Variants in PHLDB2 observed in about 807,000 individuals in gnomAD.
PHLDB2 encodes pleckstrin homology like domain family B member 2.
In PHLDB2, 71 loss-of-function variants were observed where a neutral mutation model predicts 123.6. The observed-to-expected ratio is 0.57, with a 90% CI of 0.47 to 0.70. The LOEUF is 0.70. Among genes scored for constraint, PHLDB2 ranks in the 30% least tolerant of loss-of-function variants. The probability of loss-of-function intolerance (pLI) is 0.00; values close to 1 mark genes in which losing one functional copy is unlikely to be tolerated. For synonymous variants in PHLDB2, 547 were observed against 541.6 expected, an observed-to-expected ratio of 1.01 and a Z score of -0.14; for missense variants, 1,446 against 1,519.5, an observed-to-expected ratio of 0.95 and a Z score of 0.80.
At chr3:111,936,867 G>A (rs2069524239) in intron 6 of PHLDB2, among the ~76,000 whole-genome samples, 1 of 152,168 alleles carries the variant, frequency 6.6e-6, no homozygotes, top group Non-Finnish European at 1.5e-5. Context: ...AAACTTGAGT[G>A]TATGTGCTTA....
intron 1 of PHLDB2, among the ~76,000 whole-genome samples, chr3:111,773,439 A>T (rs774000711): frequency 2.0e-5 from 3 of 152,180 alleles, no homozygotes; most frequent in Non-Finnish European, 4.4e-5. Flanking sequence ...AAAATCGGTG[A>T]TTTGTCACAC....
chr3:111,920,254 A>T, intron 4 of PHLDB2, 28 bp from the exon 5 acceptor site: 1 of 1,601,798 alleles, frequency 6.2e-7, no homozygotes, highest in South Asian at 1.1e-5. Flanking sequence ...AAGGTGAAAC[A>T]CTTCTGAGCT....
At chr3:111,838,944 T>A (rs1215344071) in intron 1 of PHLDB2, among the ~76,000 whole-genome samples, 2 of 152,196 alleles carry the variant, frequency 1.3e-5, no homozygotes, top group East Asian at 3.8e-4. Flanking sequence ...GAATGAATAT[T>A]CATCATTTAA....
At chr3:111,864,677 A>G (rs1305632048) in intron 1 of PHLDB2, among the ~76,000 whole-genome samples, 1 of 152,232 alleles carries the variant, frequency 6.6e-6, no homozygotes, top group African/African-American at 2.4e-5. Context: ...ACAGATTAAT[A>G]AGATATAGAG....
chr3:111,966,527 GGTGTGTGT>G (rs3217516), intron 13 of PHLDB2, 78 bp from the exon 14 acceptor site: 9 of 617,988 alleles, frequency 1.5e-5, no homozygotes, highest in East Asian at 3.3e-5. Context: ...GTGTGTCTGG[GGTGTGTGT>G]GTGTGTGTGT....
intron 14 of PHLDB2, among the ~76,000 whole-genome samples, chr3:111,967,086 T>C (rs1400383334): frequency 6.6e-6 from 1 of 152,226 alleles, no homozygotes; most frequent in Non-Finnish European, 1.5e-5. Flanking sequence ...CAGCTTGTGC[T>C]AACTGCACTA....
chr3:111,834,250 A>AGAAT, intron 1 of PHLDB2, among the ~76,000 whole-genome samples: 1 of 123,142 alleles, frequency 8.1e-6, no homozygotes. Context: ...ATAGAATTAT[A>AGAAT]TATATAATTC....
intron 1 of PHLDB2, among the ~76,000 whole-genome samples, chr3:111,815,202 C>T (rs936150128): frequency 2.6e-5 from 4 of 152,074 alleles, no homozygotes; most frequent in African/African-American, 4.8e-5. Context: ...TGCCCAGTCT[C>T]AGGTATGTCT....
intron 1 of PHLDB2, among the ~76,000 whole-genome samples, chr3:111,794,592 T>C (rs1233367358): frequency 1.3e-5 from 2 of 152,216 alleles, no homozygotes; most frequent in African/African-American, 4.8e-5. Context: ...AGATTATTTG[T>C]AGATACCACT....
At chr3:111,787,617 A>T (rs1450251719) in intron 1 of PHLDB2, among the ~76,000 whole-genome samples, 1 of 151,900 alleles carries the variant, frequency 6.6e-6, no homozygotes, top group Non-Finnish European at 1.5e-5. Flanking sequence ...AGCTTGGGCT[A>T]CTCTAGGCTT....
Position 111,895,814 on chromosome 3 carries a change from A to T in PHLDB2, c.1335+10402A>T, listed in dbSNP as rs180785567. Among the ~76,000 whole-genome samples the T allele has an allele frequency of 1.2e-3, 183 of 152,128 alleles. 1 individual carries two copies. The highest frequency in any genetic ancestry group is 1.4e-3 in the Non-Finnish European group (97 of 68,016). On this transcript the variant is annotated intron_variant, in intron 2 of 17. Coordinates refer to ENST00000431670, the MANE Select transcript of PHLDB2 (RefSeq NM_001134438.2). ...CAGTGAGCCGAGATCGAGCCATTGC[A>T]GTCTGGCGTGGGCAAAAGAGTGAAA...
At chr3:111,747,791 T>C (rs2059703643) in intron 1 of PHLDB2, among the ~76,000 whole-genome samples, 1 of 152,252 alleles carries the variant, frequency 6.6e-6, no homozygotes. Flanking sequence ...CCATTTTCTC[T>C]CTTATTCTTT....
chr3:111,797,744 T>C (rs2061219097), intron 1 of PHLDB2, among the ~76,000 whole-genome samples: 1 of 152,242 alleles, frequency 6.6e-6, no homozygotes, highest in African/African-American at 2.4e-5. Flanking sequence ...GGATAGATAT[T>C]TAAGATGCTC....
At chr3:111,810,346 C>T (rs923940194) in intron 1 of PHLDB2, among the ~76,000 whole-genome samples, 3 of 152,150 alleles carry the variant, frequency 2.0e-5, no homozygotes, top group African/African-American at 7.2e-5. Flanking sequence ...ATAACAAATA[C>T]TATAGACTGG....
chr3:111,894,419 T>C (rs2066698625), intron 2 of PHLDB2, among the ~76,000 whole-genome samples: 1 of 151,910 alleles, frequency 6.6e-6, no homozygotes, highest in Admixed American at 6.6e-5. Flanking sequence ...CCTTTGGGTA[T>C]ATACCCAGTA....
chr3:111,946,031 A>T (rs1259745131), intron 9 of PHLDB2, among the ~76,000 whole-genome samples: 2 of 150,072 alleles, frequency 1.3e-5, no homozygotes, highest in Admixed American at 6.7e-5. Context: ...AAAATAGTTT[A>T]TATATATATA....
At chr3:111,911,466 G>T in intron 2 of PHLDB2, 1 of 664,616 alleles carries the variant, frequency 1.5e-6, no homozygotes, top group Non-Finnish European at 2.5e-6. Context: ...TGCCCATGTA[G>T]ACTTTTCCAG....
chr3:111,733,558 ACT>A (rs1553720529), intron 1 of PHLDB2, among the ~76,000 whole-genome samples: 1 of 152,186 alleles, frequency 6.6e-6, no homozygotes, highest in Non-Finnish European at 1.5e-5. Context: ...TACCAATGCC[ACT>A]CTATGTACAA....
At chr3:111,779,140 T>C (rs2060321713) in intron 1 of PHLDB2, among the ~76,000 whole-genome samples, 1 of 152,158 alleles carries the variant, frequency 6.6e-6, no homozygotes, top group African/African-American at 2.4e-5. Flanking sequence ...TTGATGCTGC[T>C]GGTCCAGGGA....
Sources: allele counts gnomAD v4.1 joint callset (sites outside exome capture counted in the v4.1 genomes callset), GRCh38; gene constraint gnomAD v4.1.1; transcripts MANE v1.5; gene names NCBI Gene and HGNC (gene_info 2026-07-23, HGNC 2026-07-21).